XAB2: variants seen among roughly 807,000 people sequenced by gnomAD.
XAB2 encodes XPA binding protein 2.
A neutral mutation model predicts 113.4 loss-of-function variants in XAB2; 57 were observed. The observed-to-expected ratio is 0.50, with a 90% CI of 0.41 to 0.63. The LOEUF (loss-of-function observed/expected upper bound fraction) is 0.63. Among genes scored for constraint, XAB2 ranks in the 20% least tolerant of loss-of-function variants. The pLI is 0.00. For synonymous variants in XAB2, 497 were observed against 498.8 expected (o/e 1.00, Z 0.05); for missense variants, 1,037 against 1,233.3 (o/e 0.84, Z 2.38).
At position 7,620,067 on chromosome 19, in the gene XAB2, G is replaced by A; in HGVS notation, c.2275C>T (p.Leu759=). 3.7e-6 allele frequency: 6 copies of A among 1,611,702 alleles called. No individual in the cohort carries two copies. The highest frequency in any genetic ancestry group is 5.1e-6 in the Non-Finnish European group (6 of 1,179,968). ...TCCATGCCACTCTGCCCAGGGGCCA[G>A]GTCAGACACTAGGGGGTGGGAGCAG... ...SGSATGTVSD[L]APGQSGMDDM... Residue 759 remains leucine, a synonymous_variant, in exon 17 of 19, where the codon CTG becomes TTG. Transcript: ENST00000358368.
chr19:7,628,318 GGAA>G lies in XAB2; in HGVS notation c.52-23_52-21del. 6.2e-7 allele frequency: 1 copy of G among 1,613,704 alleles called. No individual in the cohort carries two copies. The highest frequency in any genetic ancestry group is 8.5e-7 in the Non-Finnish European group (1 of 1,179,972). On this transcript the variant is annotated intron_variant, in intron 1 of 18. Transcript: ENST00000358368. The surrounding 1 kb of genome is among the most constrained non-coding windows in gnomAD (Gnocchi z 4.6). ...TTCCTCCTGCCAGGGCCAGGGAATGGGAAGAAGAGAGGCCTACCCTCAGAGCCT... is the reference window on the plus strand; with the variant it reads ...TTCCTCCTGCCAGGGCCAGGGAATGGGAAGAGAGGCCTACCCTCAGAGCCT...
In XAB2 at chr19:7,627,609, A is replaced by C. The variant is rs1300552117; in HGVS notation, c.324+119T>G. On this transcript the variant is annotated intron_variant, in intron 3 of 18. Transcript: ENST00000358368. The surrounding 1 kb of genome is among the most constrained non-coding windows in gnomAD (Gnocchi z 4.5). Reference sequence around the variant, plus strand: ...GTCCAGCCCAACTTCCCATGCAAAGAAGCAACAGGAATCCAAGCCCCCATC... The same window carrying C: ...GTCCAGCCCAACTTCCCATGCAAAGCAGCAACAGGAATCCAAGCCCCCATC... The C allele has an allele frequency of 6.5e-6, 10 of 1,540,650 alleles. No individual in the cohort carries two copies. Among genetic ancestry groups the C allele is most frequent in the Non-Finnish European group, 8.8e-6 (10 of 1,137,870 alleles).
In XAB2 at chr19:7,621,304, C is replaced by T. The variant is rs745850303; in HGVS notation, c.1618-7G>A. 7.4e-6 allele frequency: 12 copies of T among 1,611,688 alleles called. No homozygotes were observed. The highest frequency in any genetic ancestry group is 4.0e-5 in the African/African-American group (3 of 74,906). ...AGATGCCGCGCTCGTACGCCTGTTA[C>T]CAGAGGGAGAGTCACATGTGAGAGT... On this transcript the variant is annotated splice_region_variant and splice_polypyrimidine_tract_variant and intron_variant, in intron 12 of 18. Transcript: ENST00000358368.
rs1481418666 is a variant in XAB2, at chr19:7,627,132, G to C, written c.522+111C>G. 8.2e-7 allele frequency: 1 copy of C among 1,225,764 alleles called. No individual in the cohort carries two copies. The highest frequency in any genetic ancestry group is 1.2e-6 in the Non-Finnish European group (1 of 868,396). 75.9% of individuals were successfully genotyped at this position (1,225,764 alleles called of 1,614,324 possible). ...AACAACAAAACACATGCATCTCCAG[G>C]AGCCTCTTCCCACATCCCGTCTGCT... is the stretch of plus-strand genomic sequence containing the variant. On this transcript the variant is annotated intron_variant, in intron 4 of 18. Transcript: ENST00000358368. This position sits in a 1 kb window ranked among gnomAD's most constrained non-coding sequence, Gnocchi z 4.5.
chr19:7,620,094 G>A lies in XAB2; in HGVS notation c.2267-19C>T, dbSNP rs754267310. On this transcript the variant is annotated intron_variant, in intron 16 of 18. Coordinates refer to ENST00000358368, the MANE Select transcript of XAB2 (RefSeq NM_020196.3). ...TCAGACACTAGGGGGTGGGAGCAGG[G>A]GGTCAGCGCCACGGGGGCCCCTCCC... 2.5e-6 allele frequency: 4 copies of A among 1,608,606 alleles called. No individual in the cohort carries two copies. Among genetic ancestry groups the A allele is most frequent in the South Asian group, 2.2e-5 (2 of 91,040 alleles).
rs373630807 is a variant in XAB2 at position 7,625,832 on chromosome 19, G to A, written c.822+48C>T. 3.0e-3 allele frequency: 4,725 copies of A among 1,556,858 alleles called. 11 individuals carry two copies. The highest frequency in any genetic ancestry group is 3.5e-3 in the Non-Finnish European group (3,981 of 1,147,674). ...GTGTCAACATGTGTCCCCGAGTGTCGGAGGGAGACCCCGCCCCGAACCCAG... is the reference window on the plus strand; with the variant it reads ...GTGTCAACATGTGTCCCCGAGTGTCAGAGGGAGACCCCGCCCCGAACCCAG... On this transcript the variant is annotated intron_variant, in intron 6 of 18. Transcript: ENST00000358368. This position sits in a 1 kb window ranked among gnomAD's most constrained non-coding sequence, Gnocchi z 5.2.
rs1055353244 is a variant in XAB2 at position 7,625,408 on chromosome 19, T to C, written c.822+472A>G. ...AGGCTGACGTGCCTGCGGGCAGGAGTGCTCCCCCACCCTCAGCAGGATAGT... is the reference window on the plus strand; with the variant it reads ...AGGCTGACGTGCCTGCGGGCAGGAGCGCTCCCCCACCCTCAGCAGGATAGT... On this transcript the variant is annotated intron_variant, in intron 6 of 18. Transcript: ENST00000358368. The surrounding 1 kb of genome is among the most constrained non-coding windows in gnomAD (Gnocchi z 5.2). 1.3e-5 allele frequency among the ~76,000 whole-genome samples: 2 copies of C among 150,706 alleles called. No individual in the cohort carries two copies. Among genetic ancestry groups the C allele is most frequent in the African/African-American group, 4.9e-5 (2 of 40,816 alleles).
At position 7,628,951 on chromosome 19, in the gene XAB2, T is replaced by C. The variant is rs2031200032; in HGVS notation, c.51+526A>G. ...CTGCACACCAAGAATCTGGTGAAGA[T>C]GTCACGCCTCTACTCCAGAGAGTAA... On this transcript the variant is annotated intron_variant, in intron 1 of 18. Transcript: ENST00000358368. This position sits in a 1 kb window ranked among gnomAD's most constrained non-coding sequence, Gnocchi z 4.6. Among the ~76,000 whole-genome samples, 1 of 152,212 alleles carries C rather than the reference T, an allele frequency of 6.6e-6. No homozygotes were observed. The highest frequency in any genetic ancestry group is 6.5e-5 in the Admixed American group (1 of 15,278).
chr19:7,627,899 C>A lies in XAB2; in HGVS notation c.201-48G>T, dbSNP rs762941834. ...TGCTGATCGGTCAGCTTTATGGACA[C>A]CCCCAGAACCATTTGCCCTGCCCCA... On this transcript the variant is annotated intron_variant, in intron 2 of 18. Transcript: ENST00000358368. The surrounding 1 kb of genome is among the most constrained non-coding windows in gnomAD (Gnocchi z 4.5). 8.2e-6 allele frequency: 13 copies of A among 1,587,828 alleles called. No individual in the cohort carries two copies. Among genetic ancestry groups the A allele is most frequent in the Non-Finnish European group, 1.1e-5 (13 of 1,162,060 alleles).
Position 7,627,042 on chromosome 19 carries a change from C to T in XAB2, c.522+201G>A, listed in dbSNP as rs899923720. The stretch of plus-strand genomic sequence containing the variant: ...TAGTCACACTGTCCTCAGCACCCAT[C>T]GCTATGCCTAATGTGAAACCAGTGT... On this transcript the variant is annotated intron_variant, in intron 4 of 18. Coordinates refer to ENST00000358368, the MANE Select transcript of XAB2 (RefSeq NM_020196.3). The surrounding 1 kb of genome is among the most constrained non-coding windows in gnomAD (Gnocchi z 4.5). 6.6e-6 allele frequency among the ~76,000 whole-genome samples: 1 copy of T among 152,230 alleles called. No homozygotes were observed. The highest frequency in any genetic ancestry group is 2.4e-5 in the African/African-American group (1 of 41,452).
Position 7,622,819 on chromosome 19 carries a change from C to A in XAB2, c.1314G>T (p.Gln438His), listed in dbSNP as rs200503896. 3 of 1,614,004 alleles carry A rather than the reference C, an allele frequency of 1.9e-6. No individual in the cohort carries two copies. Among genetic ancestry groups the A allele is most frequent in the African/African-American group, 2.7e-5 (2 of 74,926 alleles). Reference sequence around the variant, plus strand: ...CGTGTCGGAGCTCCAGCTCTCCGCACTGACACCACACGCTTGCCAGGTCAT... The same window carrying A: ...CGTGTCGGAGCTCCAGCTCTCCGCAATGACACCACACGCTTGCCAGGTCAT... Reference protein sequence around the residue: ...QVDDLASVWCQCGELELRHEN... With the variant: ...QVDDLASVWCHCGELELRHEN... Residue 438 changes from glutamine (Q) to histidine (H), a missense_variant, in exon 10 of 19, where the codon CAG becomes CAT. By Grantham distance (24) the Gln-to-His change is conservative (BLOSUM62 0). Coordinates refer to ENST00000358368, the MANE Select transcript of XAB2 (RefSeq NM_020196.3).
In XAB2 at chr19:7,623,131, C is replaced by T. The variant is rs1385861386; in HGVS notation, c.1239+39G>A. On this transcript the variant is annotated intron_variant, in intron 9 of 18. Transcript: ENST00000358368. This position sits in a 1 kb window ranked among gnomAD's most constrained non-coding sequence, Gnocchi z 4.6. Reference sequence around the variant, plus strand: ...ATGCACACATATACAAGCACACACACATGCATGAACACACAGGCACACGCA... The same window carrying T: ...ATGCACACATATACAAGCACACACATATGCATGAACACACAGGCACACGCA... 4 of 1,608,572 alleles carry T rather than the reference C, an allele frequency of 2.5e-6. No individual in the cohort carries two copies. The African/African-American group carries it at 4.0e-5, about 16-fold the overall frequency.
At position 7,622,457 on chromosome 19, in the gene XAB2, G is replaced by C. The variant is rs1302438734; in HGVS notation, c.1504-13C>G. Reference sequence around the variant, plus strand: ...CGGCCTTGGTGGACTGCAGGGGTGGGGATGGGAAAGGTTGGAGCTGGTTCT... The same window carrying C: ...CGGCCTTGGTGGACTGCAGGGGTGGCGATGGGAAAGGTTGGAGCTGGTTCT... On this transcript the variant is annotated splice_polypyrimidine_tract_variant and intron_variant, in intron 11 of 18. Coordinates refer to ENST00000358368, the MANE Select transcript of XAB2 (RefSeq NM_020196.3). 1.2e-6 allele frequency: 2 copies of C among 1,614,180 alleles called. No individual in the cohort carries two copies. Among genetic ancestry groups the C allele is most frequent in the Admixed American group, 1.7e-5 (1 of 60,032 alleles).
chr19:7,622,091 CAT>C, intron 12 of XAB2: 2 of 491,902 alleles, frequency 4.1e-6, no homozygotes, highest in Admixed American at 3.5e-5. Flanking sequence ...CACACAAAGA[CAT>C]AGGGAGAAGG....
chr19:7,625,764 C>T lies in XAB2; in HGVS notation c.822+116G>A, dbSNP rs2031126355. 5.1e-6 allele frequency: 7 copies of T among 1,381,110 alleles called. No homozygotes were observed. Among genetic ancestry groups the T allele is most frequent in the African/African-American group, 2.9e-5 (2 of 68,920 alleles). The allele number at this position is 1,381,110 out of a possible 1,614,324, so 85.6% of individuals were successfully genotyped here. On this transcript the variant is annotated intron_variant, in intron 6 of 18. Transcript: ENST00000358368. The surrounding 1 kb of genome is among the most constrained non-coding windows in gnomAD (Gnocchi z 5.2). ...AAAGTGCTGGGATGACAGGTGTGAGCCACCACACCCAGCCATAAATGGCAT... is the reference window on the plus strand; with the variant it reads ...AAAGTGCTGGGATGACAGGTGTGAGTCACCACACCCAGCCATAAATGGCAT...
Position 7,621,579 on chromosome 19 carries a change from G to A in XAB2, c.1618-282C>T, listed in dbSNP as rs147770508. 1.9e-3 allele frequency: 850 copies of A among 454,578 alleles called. 2 individuals are homozygous for A. The highest frequency in any genetic ancestry group is 4.7e-3 in the Admixed American group (130 of 27,382). 28.2% of individuals were successfully genotyped at this position (454,578 alleles called of 1,614,324 possible). A position where few individuals can be genotyped will look rare whatever the true frequency, so the allele number is the denominator to read the frequency against. On this transcript the variant is annotated intron_variant, in intron 12 of 18. Transcript: ENST00000358368. The stretch of plus-strand genomic sequence containing the variant: ...TGAAGGTGGGTGGCTCCCCAGCTCC[G>A]CTGACGCTGGCTGCCTGTCCCCAGG...
At position 7,620,282 on chromosome 19, in the gene XAB2, C is replaced by T. The variant is rs901531180; in HGVS notation, c.2259G>A (p.Thr753=). Residue 753 remains threonine (T), a synonymous_variant, in exon 16 of 19, where the codon ACG becomes ACA. Coordinates refer to ENST00000358368, the MANE Select transcript of XAB2 (RefSeq NM_020196.3). The part of the protein sequence containing the change: ...SQMLKVSGSA[T]GTVSDLAPGQ... ...CCAGCTGGGACGGCTCACCGGTGCCCGTGGCACTGCCCGAGACCTTGAGCA... is the reference window on the plus strand; with the variant it reads ...CCAGCTGGGACGGCTCACCGGTGCCTGTGGCACTGCCCGAGACCTTGAGCA... The T allele has an allele frequency of 8.1e-6, 13 of 1,613,168 alleles. No individual in the cohort carries two copies. Among genetic ancestry groups the T allele is most frequent in the South Asian group, 2.2e-5 (2 of 91,084 alleles).
chr19:7,627,630 C>T lies in XAB2; in HGVS notation c.324+98G>A, dbSNP rs1370014143. The T allele has an allele frequency of 6.4e-7, 1 of 1,566,004 alleles. No homozygotes were observed. Among genetic ancestry groups the T allele is most frequent in the African/African-American group, 1.4e-5 (1 of 74,032 alleles). ...AAAGAAGCAACAGGAATCCAAGCCC[C>T]CATCCCTAACATGCTGAGCCCAGCC... On this transcript the variant is annotated intron_variant, in intron 3 of 18. Coordinates refer to ENST00000358368, the MANE Select transcript of XAB2 (RefSeq NM_020196.3). This position sits in a 1 kb window ranked among gnomAD's most constrained non-coding sequence, Gnocchi z 4.5.
In XAB2 at chr19:7,628,204, G is replaced by A. The variant is rs140460569; in HGVS notation, c.146C>T (p.Pro49Leu). ...GTATAGCTGATTGAGCCTGGGCTTC[G>A]GGGCGCCCTGTTTGAACTCGATGTA... ...LRYIEFKQGAPKPRLNQLYER... is the reference protein window; with the variant it reads ...LRYIEFKQGALKPRLNQLYER... Residue 49 changes from proline (P) to leucine (L), a missense_variant, in exon 2 of 19, where the codon CCG becomes CTG. Coordinates refer to ENST00000358368, the MANE Select transcript of XAB2 (RefSeq NM_020196.3). The surrounding 1 kb of genome is among the most constrained non-coding windows in gnomAD (Gnocchi z 4.6). 11 of 1,613,914 alleles carry A rather than the reference G, an allele frequency of 6.8e-6. No homozygotes were observed. In the African/African-American group the frequency reaches 8.0e-5, roughly 12 times the overall value.
Sources: allele counts gnomAD v4.1 joint callset (sites outside exome capture counted in the v4.1 genomes callset), GRCh38; gene constraint gnomAD v4.1.1; non-coding constraint Gnocchi (gnomAD v3.1); transcripts MANE v1.5; gene names NCBI Gene and HGNC (gene_info 2026-07-23, HGNC 2026-07-21).